Variants in MARK4 observed in about 807,000 individuals in gnomAD.
MARK4 encodes microtubule affinity regulating kinase 4, also known as MAP/microtubule affinity-regulating kinase 4.
A neutral mutation model predicts 81.5 loss-of-function variants in MARK4; 19 were observed. That is an observed-to-expected ratio of 0.23 (90% CI 0.16 to 0.34). The LOEUF is 0.34. Ranked by LOEUF, MARK4 falls within the 10% of genes least tolerant of loss-of-function variation. MARK4 has a pLI of 1.00. For synonymous variants in MARK4, 436 were observed against 439.0 expected, an observed-to-expected ratio of 0.99 and a Z score of 0.08; for missense variants, 772 against 1,058.8, an observed-to-expected ratio of 0.73 and a Z score of 3.76.
At chr19:45,277,098 C>G (rs1970607761) in intron 8 of MARK4, among the ~76,000 whole-genome samples, 1 of 150,818 alleles carries the variant, frequency 6.6e-6, no homozygotes, top group Non-Finnish European at 1.5e-5. Context: ...TTTTCTGAGA[C>G]AGAATCTCGC....
At position 45,304,498 on chromosome 19, in the gene MARK4, C is replaced by T. The variant is rs1971022684; in HGVS notation, c.*1788C>T. ...AAGGGCGGAGCTTATTCACACAGCA[C>T]CTTTGGGGCCAAAATGAATAAGCTG... On this transcript the variant is annotated 3_prime_UTR_variant, in exon 17 of 17. Transcript: ENST00000262891. 1.3e-5 allele frequency: 2 copies of T among 152,216 alleles called. No homozygotes were observed. Among genetic ancestry groups the T allele is most frequent in the Admixed American group, 1.3e-4 (2 of 15,274 alleles). 9.4% of individuals were successfully genotyped at this position (152,216 alleles called of 1,614,324 possible). A position where few individuals can be genotyped will look rare whatever the true frequency, so the allele number is the denominator to read the frequency against.
At chr19:45,280,790 A>G in intron 12 of MARK4, 56 bp downstream of exon 12, 1 of 1,595,440 alleles carries the variant, frequency 6.3e-7, no homozygotes, top group Non-Finnish European at 8.5e-7. Flanking sequence ...GCCCAGACTT[A>G]CAGTTACGTC....
chr19:45,277,159 T>C (rs1182693635), intron 8 of MARK4, among the ~76,000 whole-genome samples: 1 of 151,896 alleles, frequency 6.6e-6, no homozygotes, highest in African/African-American at 2.4e-5. Flanking sequence ...CACTGCAACC[T>C]CCACCTCCTA....
At chr19:45,265,111 G>A (rs556029760) in intron 6 of MARK4, among the ~76,000 whole-genome samples, 4 of 152,184 alleles carry the variant, frequency 2.6e-5, no homozygotes, top group African/African-American at 4.8e-5. Context: ...CAGGTGCCCC[G>A]TTGGGTGGGT....
intron 8 of MARK4, among the ~76,000 whole-genome samples, chr19:45,275,031 C>T (rs986177558): frequency 3.3e-5 from 5 of 152,030 alleles, no homozygotes; most frequent in Non-Finnish European, 4.4e-5. Context: ...GTGGCCGAGG[C>T]GGGCAGATCA....
chr19:45,260,645 C>T (rs1388424305), intron 2 of MARK4, among the ~76,000 whole-genome samples: 1 of 151,954 alleles, frequency 6.6e-6, no homozygotes, highest in Non-Finnish European at 1.5e-5. Context: ...CGCAGTGAGC[C>T]GAGATTGTGC....
intron 15 of MARK4, chr19:45,298,230 C>G: frequency 6.2e-7 from 1 of 1,613,962 alleles, no homozygotes; most frequent in South Asian, 1.1e-5. Context: ...TCAGTAAGTC[C>G]CGTCCATGCC....
chr19:45,293,980 G>A (rs1402572720), intron 13 of MARK4, among the ~76,000 whole-genome samples: 2 of 152,210 alleles, frequency 1.3e-5, no homozygotes, highest in African/African-American at 4.8e-5. Context: ...TAGTCACAGT[G>A]ACAGAATGTG....
At chr19:45,264,229 C>T (rs1018903295) in intron 4 of MARK4, among the ~76,000 whole-genome samples, 8 of 151,504 alleles carry the variant, frequency 5.3e-5, no homozygotes, top group African/African-American at 9.7e-5. Flanking sequence ...TGGCTGGGCG[C>T]GGTGGCTCAC....
intron 1 of MARK4, among the ~76,000 whole-genome samples, chr19:45,255,491 G>A (rs963852473): frequency 1.3e-5 from 2 of 151,040 alleles, no homozygotes; most frequent in East Asian, 3.9e-4. Flanking sequence ...AACCCAGGAG[G>A]TGGAGGTTGC....
chr19:45,270,989 T>G (rs933437281), intron 7 of MARK4, among the ~76,000 whole-genome samples: 1 of 152,196 alleles, frequency 6.6e-6, no homozygotes. Context: ...AGGCTGGTCT[T>G]GAACTCCCAA....
chr19:45,260,296 A>G lies in MARK4; in HGVS notation c.252+1107A>G, dbSNP rs1412465362. Among the ~76,000 whole-genome samples the G allele has an allele frequency of 2.6e-5, 4 of 151,484 alleles. No homozygotes were observed. In the East Asian group the frequency reaches 7.7e-4, roughly 29 times the overall value. On this transcript the variant is annotated intron_variant, in intron 2 of 16. Coordinates refer to ENST00000262891, the MANE Select transcript of MARK4 (RefSeq NM_001199867.2). ...TTTCAGCTACTTGGGAGGCTGAGGC[A>G]GGAGAATTGCTTGAGCCCAGGAGGC...
Position 45,303,453 on chromosome 19 carries a change from T to C in MARK4, c.*743T>C, listed in dbSNP as rs1018045181. The stretch of plus-strand genomic sequence containing the variant: ...GCGTGGGAATCCAGGCAGTGGTTTT[T>C]CCTTTCGGAGCCTCGGTTTTCTCAT... On this transcript the variant is annotated 3_prime_UTR_variant, in exon 17 of 17. Transcript: ENST00000262891. 1 of 152,146 alleles carries C rather than the reference T, an allele frequency of 6.6e-6. No individual in the cohort carries two copies. Among genetic ancestry groups the C allele is most frequent in the African/African-American group, 2.4e-5 (1 of 41,424 alleles). 9.4% of individuals were successfully genotyped at this position (152,146 alleles called of 1,614,324 possible).
intron 3 of MARK4, 21 bp from the exon 4 acceptor site, chr19:45,263,298 T>G (rs1970404262): frequency 1.9e-6 from 3 of 1,614,074 alleles, no homozygotes; most frequent in Non-Finnish European, 2.5e-6. Context: ...CTCCTCTGTC[T>G]TCCTTTCTGG....
At chr19:45,264,598 T>C (rs1970425866) in intron 4 of MARK4, 86 bp from the exon 5 acceptor site, 4 of 1,302,836 alleles carry the variant, frequency 3.1e-6, no homozygotes, top group Non-Finnish European at 4.4e-6. Flanking sequence ...GGGGGTGTTA[T>C]GGTTGGCACA....
chr19:45,287,014 C>T (rs1033420202), intron 12 of MARK4, among the ~76,000 whole-genome samples: 1 of 151,608 alleles, frequency 6.6e-6, no homozygotes, highest in African/African-American at 2.4e-5. Context: ...CTAGTCATTC[C>T]TCTACTAAGG....
chr19:45,302,682 C>A lies in MARK4; in HGVS notation c.2231C>A (p.Thr744Asn). Residue 744 changes from threonine to asparagine, a missense_variant, in exon 17 of 17, where the codon ACC becomes AAC. Physicochemically the swap from Thr to Asn is moderately conservative, Grantham distance 65. Transcript: ENST00000262891. The surrounding 1 kb of genome is among the most constrained non-coding windows in gnomAD (Gnocchi z 4.9). ...GTALAFRTLVTRISNDLEL is the reference protein window; with the variant it reads ...GTALAFRTLVNRISNDLEL ...GCCCTGGCCTTCCGCACCCTCGTCA[C>A]CCGCATCTCCAACGACCTCGAGCTC... 1 of 1,536,804 alleles carries A rather than the reference C, an allele frequency of 6.5e-7. No homozygotes were observed.
At chr19:45,294,920 C>T (rs367868052) in intron 14 of MARK4, among the ~76,000 whole-genome samples, 3 of 152,160 alleles carry the variant, frequency 2.0e-5, no homozygotes, top group African/African-American at 7.2e-5. Flanking sequence ...GGGGCCAGCT[C>T]CAGGATGAGG....
Position 45,302,819 on chromosome 19 carries a change from C to T in MARK4, c.*109C>T. The T allele has an allele frequency of 3.5e-6, 5 of 1,433,964 alleles. No homozygotes were observed. The highest frequency in any genetic ancestry group is 5.0e-5 in the East Asian group (2 of 40,064). The allele number at this position is 1,433,964 out of a possible 1,614,324, so 88.8% of individuals were successfully genotyped here. On this transcript the variant is annotated 3_prime_UTR_variant, in exon 17 of 17. Coordinates refer to ENST00000262891, the MANE Select transcript of MARK4 (RefSeq NM_001199867.2). The surrounding 1 kb of genome is among the most constrained non-coding windows in gnomAD (Gnocchi z 4.9). ...TCTCCCTTTATCATCACCTCAGTTTCCCTGAATTATATTTGGGGGCAAAGA... is the reference window on the plus strand; with the variant it reads ...TCTCCCTTTATCATCACCTCAGTTTTCCTGAATTATATTTGGGGGCAAAGA...
Sources: gnomAD v4.1 joint callset for allele counts (sites outside exome capture counted in the v4.1 genomes callset) on GRCh38, gnomAD v4.1.1 for gene constraint, Gnocchi (gnomAD v3.1) non-coding constraint, MANE v1.5 for transcripts, NCBI Gene and HGNC (gene_info 2026-07-23, HGNC 2026-07-21) for gene names.